CACNA1D: variants seen among roughly 807,000 people sequenced by gnomAD.
The protein encoded by CACNA1D is voltage-dependent L-type calcium channel subunit alpha-1D.
CACNA1D carries 55 observed loss-of-function variants against 257.1 expected under a neutral mutation model. The observed-to-expected ratio is 0.21, with a 90% CI of 0.17 to 0.27. The LOEUF is 0.27. Ranked by LOEUF, CACNA1D falls within the 10% of genes least tolerant of loss-of-function variation. The pLI, the probability that CACNA1D is intolerant of heterozygous loss-of-function variation, is 1.00. For synonymous variants in CACNA1D, 980 were observed against 1,014.9 expected, an observed-to-expected ratio of 0.97 and a Z score of 0.65; for missense variants, 1,876 against 2,784.0, an observed-to-expected ratio of 0.67 and a Z score of 7.34.
chr3:53,596,311 T>C (rs73086263), intron 3 of CACNA1D, among the ~76,000 whole-genome samples: 9,403 of 152,042 alleles, frequency 0.062, 346 homozygotes, highest in Middle Eastern at 0.078. Context: ...TGCATGTGCA[T>C]GTGTACCCAT....
chr3:53,567,166 A>T (rs1011268635), intron 3 of CACNA1D, among the ~76,000 whole-genome samples: 7 of 152,354 alleles, frequency 4.6e-5, no homozygotes, highest in East Asian at 1.9e-4. Flanking sequence ...GATGCATAGC[A>T]TGGTGCCAGA....
At chr3:53,803,754 G>A (rs1489096160) in intron 44 of CACNA1D, among the ~76,000 whole-genome samples, 182 bp downstream of exon 44, 3 of 152,264 alleles carry the variant, frequency 2.0e-5, no homozygotes, top group African/African-American at 7.2e-5. Flanking sequence ...GAGGCAGGGT[G>A]AGGGCTATTC....
chr3:53,770,138 G>C, intron 31 of CACNA1D, 121 bp downstream of exon 31: 1 of 899,766 alleles, frequency 1.1e-6, no homozygotes, highest in Admixed American at 1.8e-5. Context: ...AGTGTCTGCA[G>C]TGGTTTGCAT....
intron 17 of CACNA1D, 61 bp downstream of exon 17, chr3:53,731,207 C>T: frequency 9.6e-7 from 1 of 1,042,296 alleles, no homozygotes; most frequent in Non-Finnish European, 1.5e-6. Context: ...GATCTCCATA[C>T]ATGTACCATT....
chr3:53,723,545 T>C lies in CACNA1D; in HGVS notation c.1778T>C (p.Phe593Ser). The change falls in exon 13 of 48, where the codon TTC becomes TCC. Residue 593 changes from phenylalanine (F) to serine (S), a missense_variant. Phe to Ser is a radical substitution (Grantham distance 155). Around this residue, in one of 10 missense-constraint regions of CACNA1D, gnomAD observed 257 missense variants for 399.7 expected, o/e 0.64. Transcript: ENST00000350061. This position sits in a 1 kb window ranked among gnomAD's most constrained non-coding sequence, Gnocchi z 5.6. ...TCTCTTTTCAACCGGTTTGATTGCT[T>C]CGTGGTGTGTGGTGGAATCACTGAG... ...FVSLFNRFDC[F>S]VVCGGITETI... 6.2e-7 allele frequency: 1 copy of C among 1,614,102 alleles called. No homozygotes were observed. The highest frequency in any genetic ancestry group is 1.1e-5 in the South Asian group (1 of 91,064).
At chr3:53,598,971 T>C (rs1576030648) in intron 3 of CACNA1D, among the ~76,000 whole-genome samples, 1 of 151,502 alleles carries the variant, frequency 6.6e-6, no homozygotes, top group African/African-American at 2.4e-5. Flanking sequence ...AGGAAGTAAA[T>C]AAGTAAGTTT....
chr3:53,649,384 T>A (rs879440978), intron 3 of CACNA1D, among the ~76,000 whole-genome samples: 2 of 152,192 alleles, frequency 1.3e-5, no homozygotes, highest in Admixed American at 6.5e-5. Flanking sequence ...GCAAAGTGCT[T>A]TTTTTCCCCC....
rs1300567203 is a variant in CACNA1D, at chr3:53,650,825, T to C, written c.530T>C (p.Phe177Ser). 4 of 1,613,324 alleles carry C rather than the reference T, an allele frequency of 2.5e-6. No homozygotes were observed. The African/African-American group carries it at 5.3e-5, about 22-fold the overall frequency. The change falls in exon 4 of 48, where the codon TTT (phenylalanine) becomes TCT (serine). Residue 177 changes from phenylalanine to serine, a missense_variant. By Grantham distance (155) the Phe-to-Ser change is radical. Transcript: ENST00000350061. ...CTGATTATTTTTACAGTCGAGACAT[T>C]TTTGAAGATTATAGCGTATGGATTA... ...AFLIIFTVET[F>S]LKIIAYGLLL... is the part of the protein sequence containing the mutation.
At chr3:53,520,813 A>T (rs1268190511) in intron 3 of CACNA1D, among the ~76,000 whole-genome samples, 2 of 151,230 alleles carry the variant, frequency 1.3e-5, no homozygotes, top group African/African-American at 2.4e-5. Flanking sequence ...TATATTCTGT[A>T]TACCAGTTCC....
At chr3:53,652,300 C>T (rs545682324) in intron 4 of CACNA1D, among the ~76,000 whole-genome samples, 22 of 152,260 alleles carry the variant, frequency 1.4e-4, no homozygotes, top group African/African-American at 5.1e-4. Context: ...AGACATTTTT[C>T]ACACTACAGC....
At chr3:53,790,467 A>T (rs978216652) in intron 40 of CACNA1D, among the ~76,000 whole-genome samples, 1 of 152,254 alleles carries the variant, frequency 6.6e-6, no homozygotes, top group African/African-American at 2.4e-5. Context: ...CGAGGACACT[A>T]TGTCCCCCAC....
chr3:53,584,613 A>G (rs2107768990), intron 3 of CACNA1D, among the ~76,000 whole-genome samples: 2 of 152,276 alleles, frequency 1.3e-5, no homozygotes, highest in South Asian at 4.1e-4. Flanking sequence ...CAGGGAGCTC[A>G]CCTTTGATTG....
chr3:53,801,358 T>C lies in CACNA1D; in HGVS notation c.5341T>C (p.Ser1781Pro). The C allele has an allele frequency of 6.2e-7, 1 of 1,614,104 alleles. No individual in the cohort carries two copies. Among genetic ancestry groups the C allele is most frequent in the South Asian group, 1.1e-5 (1 of 91,074 alleles). ...CAGCATTGGGAACCTTGAGCATGTG[T>C]CTGAAAATGGGCATCATTCTTCCCA... ...RPSIGNLEHV[S>P]ENGHHSSHKH... Residue 1781 changes from serine to proline, a missense_variant, in exon 42 of 48, where the codon TCT becomes CCT. Ser to Pro is a moderately conservative substitution (Grantham distance 74). Around this residue, in one of 10 missense-constraint regions of CACNA1D, gnomAD observed 491 missense variants for 554.3 expected, o/e 0.89. Coordinates refer to ENST00000350061, the MANE Select transcript of CACNA1D (RefSeq NM_001128840.3).
chr3:53,747,717 C>T (rs1054584728), intron 26 of CACNA1D, among the ~76,000 whole-genome samples: 1 of 152,216 alleles, frequency 6.6e-6, no homozygotes, highest in African/African-American at 2.4e-5. Flanking sequence ...CCCATGAACT[C>T]CCATTGGATG....
chr3:53,574,121 G>A (rs1277781558), intron 3 of CACNA1D, among the ~76,000 whole-genome samples: 1 of 152,214 alleles, frequency 6.6e-6, no homozygotes, highest in Non-Finnish European at 1.5e-5. Context: ...GATGCATGCA[G>A]CAAGGAAGCT....
intron 39 of CACNA1D, among the ~76,000 whole-genome samples, chr3:53,783,581 C>T (rs1185149415): frequency 6.6e-6 from 1 of 152,178 alleles, no homozygotes; most frequent in Non-Finnish European, 1.5e-5. Flanking sequence ...AGCTCCCTGC[C>T]TGTGTTGAGT....
intron 40 of CACNA1D, chr3:53,790,979 A>T (rs1425293309): frequency 1.4e-6 from 1 of 702,218 alleles, no homozygotes; most frequent in Non-Finnish European, 2.6e-6. Flanking sequence ...CGTTTGTTTC[A>T]GATGCTTGAA....
intron 8 of CACNA1D, among the ~76,000 whole-genome samples, chr3:53,694,110 A>G (rs1235847577): frequency 6.6e-6 from 1 of 152,104 alleles, no homozygotes; most frequent in Non-Finnish European, 1.5e-5. Flanking sequence ...TGTCTCCAGT[A>G]GTGTTGGCTG....
intron 26 of CACNA1D, 110 bp from the exon 27 acceptor site, chr3:53,749,158 G>A: frequency 2.6e-6 from 2 of 778,658 alleles, no homozygotes; most frequent in Admixed American, 4.0e-5. Flanking sequence ...TGGGTTCCCA[G>A]CGAGTGCTCA....
Sources: allele counts gnomAD v4.1 joint callset (sites outside exome capture counted in the v4.1 genomes callset), GRCh38; gene constraint gnomAD v4.1.1; regional missense constraint gnomAD v4.1.1; non-coding constraint Gnocchi (gnomAD v3.1); transcripts MANE v1.5; gene names NCBI Gene and HGNC (gene_info 2026-07-23, HGNC 2026-07-21).